ASIC2: variants seen among roughly 807,000 people sequenced by gnomAD.
ASIC2 encodes the protein acid-sensing ion channel 2.
In ASIC2, 25 loss-of-function variants were observed where a neutral mutation model predicts 57.3. The ratio of observed to expected loss-of-function variants is 0.44; its 90% CI spans 0.32 to 0.61. The LOEUF (loss-of-function observed/expected upper bound fraction) is 0.61, where lower values mean the gene tolerates loss of function less well. Among genes scored for constraint, ASIC2 ranks in the 20% least tolerant of loss-of-function variants. ASIC2 has a pLI of 0.06. For synonymous variants in ASIC2, 319 were observed against 307.5 expected (o/e 1.04, Z -0.39); for missense variants, 641 against 738.1 (o/e 0.87, Z 1.52).
chr17:33,097,104 G>GC (rs772912516), intron 2 of ASIC2, among the ~76,000 whole-genome samples: 2 of 152,190 alleles, frequency 1.3e-5, no homozygotes, highest in Non-Finnish European at 2.9e-5. Flanking sequence ...TGTGCTTTTT[G>GC]CCCCCTGCCA....
chr17:33,689,883 A>G (rs1432201435), intron 1 of ASIC2, among the ~76,000 whole-genome samples: 1 of 152,186 alleles, frequency 6.6e-6, no homozygotes, highest in African/African-American at 2.4e-5. Flanking sequence ...GCTGACAACC[A>G]CCAGAAGCTG....
chr17:33,561,017 G>A (rs1451705860), intron 1 of ASIC2, among the ~76,000 whole-genome samples: 1 of 152,076 alleles, frequency 6.6e-6, no homozygotes, highest in African/African-American at 2.4e-5. Flanking sequence ...CTTCTGGGCA[G>A]TCTAAATTTT....
At chr17:33,624,978 A>T (rs1905926716) in intron 1 of ASIC2, among the ~76,000 whole-genome samples, 1 of 152,092 alleles carries the variant, frequency 6.6e-6, no homozygotes, top group African/African-American at 2.4e-5. Flanking sequence ...AGCCAGCATG[A>T]CTCTCAGTGA....
At chr17:33,946,931 G>T (rs1278127642) in intron 1 of ASIC2, among the ~76,000 whole-genome samples, 1 of 152,040 alleles carries the variant, frequency 6.6e-6, no homozygotes, top group Non-Finnish European at 1.5e-5. Context: ...AGGAGATGGG[G>T]CATATATGTC....
At chr17:33,931,633 G>A (rs1915933275) in intron 1 of ASIC2, among the ~76,000 whole-genome samples, 1 of 152,206 alleles carries the variant, frequency 6.6e-6, no homozygotes, top group Non-Finnish European at 1.5e-5. Flanking sequence ...CTCTTAGGCA[G>A]CTGACAGCAG....
In ASIC2 at chr17:33,137,010, A is replaced by G. The variant is rs143928456; in HGVS notation, c.709-24943T>C. On this transcript the variant is annotated intron_variant, in intron 1 of 9. Coordinates refer to ENST00000225823, the MANE Select transcript of ASIC2 (RefSeq NM_183377.2). ...TCCTGTCTCTATCTACCATCACAGG[A>G]CTGCTATGACAGTCCTGTTCTAAAG... Among the ~76,000 whole-genome samples the G allele has an allele frequency of 2.6e-3, 403 of 152,318 alleles. 1 individual carries two copies. Among genetic ancestry groups the G allele is most frequent in the African/African-American group, 9.3e-3 (386 of 41,574 alleles).
At chr17:33,499,757 C>T (rs1914046331) in intron 1 of ASIC2, among the ~76,000 whole-genome samples, 1 of 152,212 alleles carries the variant, frequency 6.6e-6, no homozygotes, top group East Asian at 1.9e-4. Context: ...ACCTGCCATG[C>T]CTTTGGCCAC....
At chr17:33,260,421 C>G in intron 1 of ASIC2, among the ~76,000 whole-genome samples, 1 of 152,176 alleles carries the variant, frequency 6.6e-6, no homozygotes, top group Non-Finnish European at 1.5e-5. Flanking sequence ...AGAGGCCACT[C>G]TGAGCTTCCT....
intron 6 of ASIC2, among the ~76,000 whole-genome samples, chr17:33,023,614 A>G (rs2091847514): frequency 6.6e-6 from 1 of 152,058 alleles, no homozygotes; most frequent in Admixed American, 6.5e-5. Flanking sequence ...AAGTCACCCT[A>G]TATACCATTC....
At chr17:33,939,237 G>C (rs774905615) in intron 1 of ASIC2, among the ~76,000 whole-genome samples, 2 of 152,206 alleles carry the variant, frequency 1.3e-5, no homozygotes, top group South Asian at 2.1e-4. Context: ...ATTCAATATA[G>C]AGTCATGCCA....
At chr17:33,391,168 A>T (rs1352319543) in intron 1 of ASIC2, among the ~76,000 whole-genome samples, 1 of 152,184 alleles carries the variant, frequency 6.6e-6, no homozygotes, top group Non-Finnish European at 1.5e-5. Context: ...TCCTTATTTT[A>T]TAGATGATGA....
chr17:34,088,896 G>A (rs1007104280), intron 1 of ASIC2, among the ~76,000 whole-genome samples: 9 of 152,302 alleles, frequency 5.9e-5, no homozygotes, highest in East Asian at 1.9e-4. Flanking sequence ...GGAAAAGCGC[G>A]GTATTTGGGT....
At chr17:34,018,406 T>C (rs1050717876) in intron 1 of ASIC2, among the ~76,000 whole-genome samples, 3 of 152,232 alleles carry the variant, frequency 2.0e-5, no homozygotes, top group Non-Finnish European at 4.4e-5. Flanking sequence ...AGGAGATTGA[T>C]GTTTTCATGC....
rs1314843343 is a variant in ASIC2, at chr17:33,590,658, A to G, written c.556-478591T>C. ...ACCCCAATCTCTACACAACACCTCA[A>G]TCTCTACACCACACTCCAATCTCTA... On this transcript the variant is annotated intron_variant, in intron 1 of 9. Transcript: ENST00000359872. Among the ~76,000 whole-genome samples, 4 of 151,522 alleles carry G rather than the reference A, an allele frequency of 2.6e-5. No individual in the cohort carries two copies. In the East Asian group the frequency reaches 7.8e-4, roughly 29 times the overall value.
At chr17:33,580,242 A>G (rs997621526) in intron 1 of ASIC2, 19 of 152,204 alleles carry the variant, frequency 1.2e-4, no homozygotes, top group African/African-American at 4.1e-4. Context: ...AATTAAATGC[A>G]AAGGACCCAG....
chr17:33,874,561 G>A (rs932967696), intron 1 of ASIC2, among the ~76,000 whole-genome samples: 2 of 152,144 alleles, frequency 1.3e-5, no homozygotes, highest in South Asian at 2.1e-4. Context: ...GCTTAACCTC[G>A]TCTGGAACTG....
chr17:34,097,747 G>A (rs1250816146), intron 1 of ASIC2, among the ~76,000 whole-genome samples: 1 of 152,056 alleles, frequency 6.6e-6, no homozygotes, highest in Non-Finnish European at 1.5e-5. Context: ...GGATACAGAG[G>A]CCCAACTATG....
chr17:33,577,219 G>A (rs1364157624), intron 1 of ASIC2, among the ~76,000 whole-genome samples: 1 of 152,144 alleles, frequency 6.6e-6, no homozygotes, highest in Non-Finnish European at 1.5e-5. Context: ...TATTACTGCT[G>A]CAAGGGAGGG....
chr17:34,117,274 T>C lies in ASIC2; in HGVS notation c.555+38704A>G, dbSNP rs566002712. 3.3e-4 allele frequency among the ~76,000 whole-genome samples: 50 copies of C among 152,254 alleles called. No homozygotes were observed. In the South Asian group the frequency reaches 8.1e-3, roughly 25 times the overall value. On this transcript the variant is annotated intron_variant, in intron 1 of 9. Coordinates refer to the ASIC2 transcript ENST00000359872. ...AAAAGATATATAAACAGACAAATTA[T>C]AGAACAGCCCAGTTTGTGTGACCCA...
Sources: allele counts gnomAD v4.1 joint callset (sites outside exome capture counted in the v4.1 genomes callset), GRCh38; gene constraint gnomAD v4.1.1; transcripts MANE v1.5; gene names NCBI Gene and HGNC (gene_info 2026-07-23, HGNC 2026-07-21).